The following PAPSS2 variants were observed in gnomAD, a reference collection of about 807,000 sequenced individuals.
PAPSS2 encodes the protein bifunctional 3'-phosphoadenosine 5'-phosphosulfate synthase 2.
A neutral mutation model predicts 66.5 loss-of-function variants in PAPSS2; 61 were observed. The observed-to-expected ratio is 0.92, with a 90% confidence interval of 0.75 to 1.14. PAPSS2 has a LOEUF of 1.14. Among genes scored for constraint, PAPSS2 ranks in the 50% most tolerant of loss-of-function variants. PAPSS2 has a pLI of 0.00. For synonymous variants in PAPSS2, 289 were observed against 287.5 expected, an observed-to-expected ratio of 1.01 and a Z score of -0.05; for missense variants, 708 against 789.6, an observed-to-expected ratio of 0.90 and a Z score of 1.24.
chr10:87,702,481 T>G (rs1244607116), intron 1 of PAPSS2, among the ~76,000 whole-genome samples: 4 of 152,224 alleles, frequency 2.6e-5, no homozygotes, highest in Non-Finnish European at 4.4e-5. Flanking sequence ...TCACTGGGGT[T>G]GCAACTTTCT....
intron 1 of PAPSS2, among the ~76,000 whole-genome samples, chr10:87,683,686 T>C (rs1429791043): frequency 1.5e-5 from 2 of 130,524 alleles, no homozygotes; most frequent in Non-Finnish European, 3.2e-5. Flanking sequence ...CTTATTGAGA[T>C]AAAATCTTTT....
intron 1 of PAPSS2, among the ~76,000 whole-genome samples, chr10:87,702,807 C>T (rs1853334176): frequency 6.6e-6 from 1 of 152,124 alleles, no homozygotes; most frequent in African/African-American, 2.4e-5. Context: ...TTTCATTCCC[C>T]AAGACTCCTC....
chr10:87,731,046 C>T lies in PAPSS2; in HGVS notation c.1086+3557C>T, dbSNP rs556669405. The stretch of plus-strand genomic sequence containing the variant: ...AACAGCCTTCTATTGGAAGAAGATG[C>T]CACCTAGGATTTTCAGAGCTAAAGA... On this transcript the variant is annotated intron_variant, in intron 9 of 12. Transcript: ENST00000456849. Among the ~76,000 whole-genome samples, 7 of 152,286 alleles carry T rather than the reference C, an allele frequency of 4.6e-5. No homozygotes were observed. The South Asian group carries it at 1.5e-3, about 32-fold the overall frequency.
At chr10:87,695,378 T>A (rs1334083784) in intron 1 of PAPSS2, among the ~76,000 whole-genome samples, 1 of 152,188 alleles carries the variant, frequency 6.6e-6, no homozygotes, top group Non-Finnish European at 1.5e-5. Context: ...AGGCATTATG[T>A]TTTTCACAAG....
intron 1 of PAPSS2, among the ~76,000 whole-genome samples, chr10:87,664,115 T>A (rs1228270689): frequency 6.6e-6 from 1 of 152,096 alleles, no homozygotes; most frequent in African/African-American, 2.4e-5. Context: ...AGAGATGAGG[T>A]CTCACTCTGT....
At chr10:87,688,703 C>T (rs566607101) in intron 1 of PAPSS2, among the ~76,000 whole-genome samples, 93 of 152,086 alleles carry the variant, frequency 6.1e-4, no homozygotes, top group South Asian at 3.7e-3. Context: ...ATGATCCTCC[C>T]GCCTCGGCCT....
chr10:87,692,558 A>G (rs1371521254), intron 1 of PAPSS2, among the ~76,000 whole-genome samples: 1 of 152,192 alleles, frequency 6.6e-6, no homozygotes, highest in Non-Finnish European at 1.5e-5. Context: ...TTCCAGAAAA[A>G]GAGTGGTCAA....
At chr10:87,673,223 A>C (rs1359935961) in intron 1 of PAPSS2, among the ~76,000 whole-genome samples, 1 of 152,190 alleles carries the variant, frequency 6.6e-6, no homozygotes, top group Non-Finnish European at 1.5e-5. Context: ...TTAAAACATT[A>C]TTTTTTTAAA....
At chr10:87,714,436 A>AGT (rs1164090526) in intron 4 of PAPSS2, among the ~76,000 whole-genome samples, 2 of 152,004 alleles carry the variant, frequency 1.3e-5, no homozygotes, top group South Asian at 2.1e-4. Flanking sequence ...TTTATATGTG[A>AGT]GTGTGTGTGT....
intron 9 of PAPSS2, among the ~76,000 whole-genome samples, chr10:87,729,130 C>T (rs1047999708): frequency 6.6e-6 from 1 of 152,056 alleles, no homozygotes; most frequent in African/African-American, 2.4e-5. Context: ...TTCGCATACA[C>T]ATGACTAGCA....
At chr10:87,740,560 TATGAGAAG>T (rs2131729171) in intron 9 of PAPSS2, among the ~76,000 whole-genome samples, 1 of 152,284 alleles carries the variant, frequency 6.6e-6, no homozygotes, top group South Asian at 2.1e-4. Context: ...TGTAACAGAG[TATGAGAAG>T]TGCATTAATA....
chr10:87,735,224 C>T (rs1391166788), intron 9 of PAPSS2, among the ~76,000 whole-genome samples: 2 of 152,264 alleles, frequency 1.3e-5, no homozygotes, highest in East Asian at 3.9e-4. Context: ...CTGGATCTCC[C>T]TTCCTGACAG....
In PAPSS2 at chr10:87,727,425, AC is replaced by A; in HGVS notation, c.1023del (p.His341GlnfsTer24). On this transcript the variant is annotated frameshift_variant, in exon 9 of 13. Coordinates refer to ENST00000456849, the MANE Select transcript of PAPSS2 (RefSeq NM_001015880.2). LOFTEE classifies it high-confidence loss of function. Reference sequence around the variant, plus strand: ...TTACGAGACGCTGAATTCTATGAACACAGAAAAGAGGAACGCTGTTCCCGTG... The same window carrying A: ...TTACGAGACGCTGAATTCTATGAACAAGAAAAGAGGAACGCTGTTCCCGTG... Reference protein sequence around the residue: ...AILRDAEFYEHRKEERCSRVW... With the variant: ...AILRDAEFYEXRKEERCSRVW... 1 of 1,614,138 alleles carries A rather than the reference AC, an allele frequency of 6.2e-7. No homozygotes were observed. The highest frequency in any genetic ancestry group is 8.5e-7 in the Non-Finnish European group (1 of 1,180,016).
In PAPSS2 at chr10:87,705,740, A is replaced by AT. The variant is rs564230347; in HGVS notation, c.28-3445dup. Among the ~76,000 whole-genome samples the AT allele has an allele frequency of 3.8e-3, 522 of 138,816 alleles. 1 individual carries two copies. Among genetic ancestry groups the AT allele is most frequent in the East Asian group, 0.016 (78 of 4,786 alleles). 91.1% of individuals were successfully genotyped at this position (138,816 alleles called of 152,430 possible). ...ATTGGGTTTTCTTTCTTTTTTCCTT[A>AT]TTTTTTTTTTTGAGATGGAGTCTCG... On this transcript the variant is annotated intron_variant, in intron 1 of 12. Transcript: ENST00000456849.
chr10:87,729,863 G>C (rs1374427790), intron 9 of PAPSS2, among the ~76,000 whole-genome samples: 2 of 152,070 alleles, frequency 1.3e-5, no homozygotes, highest in Non-Finnish European at 2.9e-5. Context: ...GGGCATGGTG[G>C]TGCATGCCTG....
Position 87,745,940 on chromosome 10 carries a change from AGATT to A in PAPSS2, c.1831_1834del (p.Asp611IlefsTer30), listed in dbSNP as rs2131732948. ...CCCCCAAAGCATGGAAGGTCCTGAC[AGATT>A]ATTACAGGTCCCTGGAGAAGAACTA... On this transcript the variant is annotated frameshift_variant, in exon 13 of 13. Transcript: ENST00000456849. LOFTEE classifies it high-confidence loss of function. The A allele has an allele frequency of 6.2e-7, 1 of 1,614,104 alleles. No individual in the cohort carries two copies. The highest frequency in any genetic ancestry group is 1.1e-5 in the South Asian group (1 of 91,086).
chr10:87,723,933 G>GTT (rs1853627169), intron 8 of PAPSS2, among the ~76,000 whole-genome samples: 1 of 152,168 alleles, frequency 6.6e-6, no homozygotes, highest in Non-Finnish European at 1.5e-5. Context: ...TTCCTCTGGA[G>GTT]TTAAATGTTT....
rs17125280 is a variant in PAPSS2 at position 87,715,102 on chromosome 10, A to C, written c.753+4A>C. ...CCCTTCATTATCAATTACTAAGGTA[A>C]GTGGGTGCAGACTGGTCAAATAATT... On this transcript the variant is annotated splice_donor_region_variant and intron_variant, in intron 6 of 12. Coordinates refer to ENST00000456849, the MANE Select transcript of PAPSS2 (RefSeq NM_001015880.2). 7.7e-4 allele frequency: 1,136 copies of C among 1,472,186 alleles called. 11 individuals carry two copies. The African/African-American group carries it at 0.014, about 18-fold the overall frequency. 91.2% of individuals were successfully genotyped at this position (1,472,186 alleles called of 1,614,324 possible).
chr10:87,695,206 C>T (rs1853217381), intron 1 of PAPSS2, among the ~76,000 whole-genome samples: 1 of 152,186 alleles, frequency 6.6e-6, no homozygotes, highest in South Asian at 2.1e-4. Context: ...CTTACAGATT[C>T]AGTGTCTGGT....
Sources: allele counts gnomAD v4.1 joint callset (sites outside exome capture counted in the v4.1 genomes callset), GRCh38; gene constraint gnomAD v4.1.1; transcripts MANE v1.5; gene names NCBI Gene and HGNC (gene_info 2026-07-23, HGNC 2026-07-21).